Variants in TBC1D4 observed in about 807,000 individuals in gnomAD.
The protein encoded by TBC1D4 is TBC1 domain family member 4.
In TBC1D4, 121 loss-of-function variants were observed where a neutral mutation model predicts 142.5. That is an observed-to-expected ratio of 0.85 (90% CI 0.73 to 0.99). The LOEUF is 0.99. Among genes scored for constraint, TBC1D4 ranks in the 50% least tolerant of loss-of-function variants. The pLI, the probability that TBC1D4 is intolerant of heterozygous loss-of-function variation, is 0.00. For synonymous variants in TBC1D4, 630 were observed against 628.2 expected (o/e 1.00, Z -0.04); for missense variants, 1,475 against 1,606.6 (o/e 0.92, Z 1.40).
chr13:75,478,797 CT>C (rs1888718902), intron 1 of TBC1D4, among the ~76,000 whole-genome samples: 1 of 152,162 alleles, frequency 6.6e-6, no homozygotes, highest in Admixed American at 6.5e-5. Context: ...TCAAATGAAC[CT>C]GGATGCTCTA....
At chr13:75,300,851 T>A (rs1332641553) in intron 16 of TBC1D4, among the ~76,000 whole-genome samples, 1 of 152,192 alleles carries the variant, frequency 6.6e-6, no homozygotes, top group East Asian at 1.9e-4. Flanking sequence ...GATTGCCTTG[T>A]TCAATGTCCC....
intron 18 of TBC1D4, among the ~76,000 whole-genome samples, chr13:75,293,367 G>C (rs1457480413): frequency 6.6e-6 from 1 of 152,138 alleles, no homozygotes; most frequent in African/African-American, 2.4e-5. Flanking sequence ...ATTCAAAGAA[G>C]AGAGTTGAAC....
intron 19 of TBC1D4, among the ~76,000 whole-genome samples, chr13:75,289,728 G>T (rs1875080093): frequency 1.3e-5 from 2 of 152,084 alleles, no homozygotes; most frequent in South Asian, 4.1e-4. Flanking sequence ...GCACTGTCCA[G>T]GGCTGTAAGG....
intron 1 of TBC1D4, among the ~76,000 whole-genome samples, chr13:75,457,359 G>A (rs1179492683): frequency 6.6e-6 from 1 of 152,100 alleles, no homozygotes; most frequent in Non-Finnish European, 1.5e-5. Context: ...GTGCACTGTA[G>A]AATATTTAGC....
chr13:75,461,401 C>A (rs893119169), intron 1 of TBC1D4, among the ~76,000 whole-genome samples: 39 of 152,342 alleles, frequency 2.6e-4, no homozygotes, highest in African/African-American at 8.7e-4. Context: ...TGATCATATG[C>A]TCTCCAGATC....
chr13:75,373,876 T>C (rs972303058), intron 1 of TBC1D4, among the ~76,000 whole-genome samples: 1 of 152,162 alleles, frequency 6.6e-6, no homozygotes, highest in Non-Finnish European at 1.5e-5. Flanking sequence ...TTCTCTTGCA[T>C]GGGCTGGCAA....
chr13:75,352,062 T>C (rs1402863956), intron 4 of TBC1D4, among the ~76,000 whole-genome samples: 1 of 152,216 alleles, frequency 6.6e-6, no homozygotes, highest in African/African-American at 2.4e-5. Context: ...ATGCCAATTA[T>C]GTCCATTTTT....
chr13:75,321,798 T>C (rs1400196984), intron 11 of TBC1D4, among the ~76,000 whole-genome samples: 1 of 152,116 alleles, frequency 6.6e-6, no homozygotes, highest in Non-Finnish European at 1.5e-5. Context: ...AACCCATATG[T>C]CTACTCACAA....
intron 1 of TBC1D4, among the ~76,000 whole-genome samples, chr13:75,450,201 C>T (rs1432174564): frequency 2.0e-5 from 3 of 152,060 alleles, no homozygotes; most frequent in Admixed American, 6.6e-5. Context: ...CCTACTTTAC[C>T]TCACAGTGGC....
At chr13:75,374,025 T>C (rs557491274) in intron 1 of TBC1D4, among the ~76,000 whole-genome samples, 160 of 152,278 alleles carry the variant, frequency 1.1e-3, no homozygotes, top group Admixed American at 2.7e-3. Context: ...TCTACGCACC[T>C]CACACATATC....
At chr13:75,465,328 A>T (rs762278715) in intron 1 of TBC1D4, among the ~76,000 whole-genome samples, 6 of 152,242 alleles carry the variant, frequency 3.9e-5, no homozygotes, top group Non-Finnish European at 7.3e-5. Flanking sequence ...CCAAGATCCA[A>T]CACAGTACCA....
intron 3 of TBC1D4, 140 bp from the exon 4 acceptor site, chr13:75,356,391 C>T: frequency 9.9e-6 from 7 of 708,630 alleles, no homozygotes; most frequent in Non-Finnish European, 1.8e-5. Context: ...GGACATAATG[C>T]CATAGCAAAC....
intron 15 of TBC1D4, among the ~76,000 whole-genome samples, chr13:75,304,969 T>C (rs568941487): frequency 1.4e-4 from 21 of 152,270 alleles, no homozygotes; most frequent in Admixed American, 1.2e-3. Context: ...TTTGGCTGTG[T>C]CCCCACCCAA....
chr13:75,385,615 T>C (rs1245337953), intron 1 of TBC1D4, among the ~76,000 whole-genome samples: 2 of 152,234 alleles, frequency 1.3e-5, no homozygotes, highest in African/African-American at 4.8e-5. Context: ...TCTTTGCAAA[T>C]AATATTTGCT....
At chr13:75,349,694 A>C (rs1881448713) in intron 4 of TBC1D4, among the ~76,000 whole-genome samples, 1 of 152,238 alleles carries the variant, frequency 6.6e-6, no homozygotes, top group African/African-American at 2.4e-5. Context: ...AAATAGGTCC[A>C]ACATTCACTT....
At chr13:75,380,124 C>A (rs564315177) in intron 1 of TBC1D4, among the ~76,000 whole-genome samples, 1 of 151,308 alleles carries the variant, frequency 6.6e-6, no homozygotes, top group East Asian at 2.0e-4. Context: ...AGTGATCCAC[C>A]CGCCTCGGCT....
intron 1 of TBC1D4, among the ~76,000 whole-genome samples, chr13:75,368,704 A>G (rs1883060983): frequency 6.6e-6 from 1 of 152,204 alleles, no homozygotes; most frequent in Non-Finnish European, 1.5e-5. Flanking sequence ...AAAATATAAA[A>G]GAGTAACTCA....
At chr13:75,355,549 A>C (rs753173441) in intron 4 of TBC1D4, among the ~76,000 whole-genome samples, 6 of 152,206 alleles carry the variant, frequency 3.9e-5, no homozygotes, top group Non-Finnish European at 7.3e-5. Flanking sequence ...AGCTCTACGA[A>C]TCTCTCCTTC....
At chr13:75,288,451 A>T (rs1463717643) in intron 20 of TBC1D4, among the ~76,000 whole-genome samples, 2 of 152,092 alleles carry the variant, frequency 1.3e-5, no homozygotes, top group Admixed American at 1.3e-4. Context: ...TGCCTCTATC[A>T]TATTTACCCT....
Sources: allele counts gnomAD v4.1 joint callset (sites outside exome capture counted in the v4.1 genomes callset), GRCh38; gene constraint gnomAD v4.1.1; transcripts MANE v1.5; gene names NCBI Gene and HGNC (gene_info 2026-07-23, HGNC 2026-07-21).